FILIP1L: variants seen among roughly 807,000 people sequenced by gnomAD.
The protein encoded by FILIP1L is filamin A interacting protein 1 like.
A neutral mutation model predicts 96.6 loss-of-function variants in FILIP1L; 55 were observed. That is an observed-to-expected ratio of 0.57 (90% confidence interval 0.46 to 0.71). The LOEUF is 0.71. Among genes scored for constraint, FILIP1L ranks in the 30% least tolerant of loss-of-function variants. The probability of loss-of-function intolerance (pLI) is 0.00; values close to 1 mark genes in which losing one functional copy is unlikely to be tolerated. For missense variants in FILIP1L, 1,304 were observed against 1,321.2 expected, an observed-to-expected ratio of 0.99 and a Z score of 0.20; for synonymous variants, 467 against 473.9, an observed-to-expected ratio of 0.99 and a Z score of 0.19.
chr3:100,076,198 C>G (rs1379231103), intron 1 of FILIP1L, among the ~76,000 whole-genome samples: 1 of 152,160 alleles, frequency 6.6e-6, no homozygotes, highest in Non-Finnish European at 1.5e-5. Context: ...AGTTAAGTAC[C>G]TCTTTTTGTC....
intron 4 of FILIP1L, among the ~76,000 whole-genome samples, chr3:99,911,358 A>G (rs1434760418): frequency 6.7e-6 from 1 of 150,008 alleles, no homozygotes; most frequent in Admixed American, 6.7e-5. Flanking sequence ...CAAAATAATA[A>G]GTATTATTAT....
chr3:100,071,810 G>A (rs996102796), intron 1 of FILIP1L, among the ~76,000 whole-genome samples: 83 of 152,170 alleles, frequency 5.5e-4, no homozygotes, highest in African/African-American at 2.0e-3. Context: ...CCCTTTTCCT[G>A]TCAGCTCTCA....
intron 4 of FILIP1L, among the ~76,000 whole-genome samples, chr3:99,915,844 A>T (rs1400170647): frequency 2.6e-5 from 4 of 152,220 alleles, no homozygotes; most frequent in African/African-American, 9.7e-5. Flanking sequence ...TCTCCCCTAT[A>T]CTAAACAATA....
At chr3:99,878,774 T>TA (rs1013792342) in intron 4 of FILIP1L, among the ~76,000 whole-genome samples, 1 of 152,228 alleles carries the variant, frequency 6.6e-6, no homozygotes, top group African/African-American at 2.4e-5. Flanking sequence ...CTTTAACTGA[T>TA]ACAAGAGTAC....
chr3:99,988,522 AAAAAAAAAGAAAGAAAAGG>A (rs1173760072), intron 1 of FILIP1L, among the ~76,000 whole-genome samples: 11 of 141,398 alleles, frequency 7.8e-5, no homozygotes, highest in African/African-American at 2.8e-4. Flanking sequence ...AAAAAAAAAA[AAAAAAAAAGAAAGAAAAGG>A]AAAAAAAAAG....
At chr3:100,051,389 G>A (rs1010374277) in intron 1 of FILIP1L, 2 of 151,370 alleles carry the variant, frequency 1.3e-5, no homozygotes, top group African/African-American at 4.9e-5. Flanking sequence ...AAGTTTTAGG[G>A]TACATGTGCA....
chr3:99,844,933 C>T (rs558091784), intron 5 of FILIP1L, among the ~76,000 whole-genome samples: 17 of 152,238 alleles, frequency 1.1e-4, no homozygotes, highest in Middle Eastern at 3.4e-3. Flanking sequence ...GAGGCCTCCC[C>T]CAGCCATGAG....
Position 99,851,033 on chromosome 3 carries a change from C to A in FILIP1L, c.643G>T (p.Glu215Ter), listed in dbSNP as rs1487091509. The change falls in exon 5 of 6, where the codon GAG (glutamate) becomes TAG (stop). Residue 215 changes from glutamate to a stop codon, truncating the protein, a stop_gained. Transcript: ENST00000477258. LOFTEE classifies it high-confidence loss of function. ...TTCTCCTTTTCTTGCTCCTTCTCCT[C>A]CTGAGACTTGATTTCTTGATCAATT... ...KLIDQEIKSQEEKEQEKEKRV... is the reference protein window; with the variant it reads ...KLIDQEIKSQ The A allele has an allele frequency of 6.2e-7, 1 of 1,601,274 alleles. No homozygotes were observed. The highest frequency in any genetic ancestry group is 1.7e-5 in the Admixed American group (1 of 57,588).
chr3:99,935,265 C>CAAA (rs34961153), intron 1 of FILIP1L, among the ~76,000 whole-genome samples: 10 of 143,916 alleles, frequency 6.9e-5, no homozygotes, highest in East Asian at 4.0e-4. Context: ...TTCAGGGTAC[C>CAAA]AAAAAAAAAA....
intron 4 of FILIP1L, among the ~76,000 whole-genome samples, chr3:99,864,395 G>A (rs1043866752): frequency 1.3e-5 from 2 of 152,110 alleles, no homozygotes; most frequent in Non-Finnish European, 2.9e-5. Flanking sequence ...AACTGTATGA[G>A]CTAAGTATTA....
intron 1 of FILIP1L, among the ~76,000 whole-genome samples, chr3:99,984,252 T>G (rs1709265478): frequency 6.6e-6 from 1 of 152,206 alleles, no homozygotes. Flanking sequence ...TAGCCATTCA[T>G]GTATTTATTA....
intron 4 of FILIP1L, among the ~76,000 whole-genome samples, chr3:99,916,062 T>G (rs1706940929): frequency 6.6e-6 from 1 of 152,208 alleles, no homozygotes; most frequent in Non-Finnish European, 1.5e-5. Flanking sequence ...GATGTCTGAA[T>G]AGCTGGTTAA....
At chr3:99,833,114 G>A in intron 5 of FILIP1L, 1 of 805,294 alleles carries the variant, frequency 1.2e-6, no homozygotes, top group South Asian at 1.6e-5. Flanking sequence ...ATGTCTTGGA[G>A]GAGATTAAGC....
chr3:99,843,356 TGGAA>T (rs967224047), intron 5 of FILIP1L, among the ~76,000 whole-genome samples: 4 of 152,186 alleles, frequency 2.6e-5, no homozygotes, highest in African/African-American at 9.6e-5. Context: ...CCCAATAAAA[TGGAA>T]GTTTTTATTG....
At chr3:100,076,150 G>T (rs117146686) in intron 1 of FILIP1L, among the ~76,000 whole-genome samples, 70 of 152,216 alleles carry the variant, frequency 4.6e-4, no homozygotes, top group African/African-American at 1.6e-3. Flanking sequence ...TATCTTGCCC[G>T]GAAAACCCTT....
intron 1 of FILIP1L, among the ~76,000 whole-genome samples, chr3:99,952,429 T>C (rs1470196883): frequency 6.6e-6 from 1 of 152,212 alleles, no homozygotes; most frequent in Non-Finnish European, 1.5e-5. Context: ...TGGCTGATCC[T>C]ACCCCAGCCC....
At chr3:100,050,093 AC>A (rs371100001) in intron 1 of FILIP1L, among the ~76,000 whole-genome samples, 1 of 152,172 alleles carries the variant, frequency 6.6e-6, no homozygotes, top group African/African-American at 2.4e-5. Flanking sequence ...ACACAGACTC[AC>A]CTGTGGAATG....
chr3:100,094,566 A>G (rs527646548), intron 1 of FILIP1L, among the ~76,000 whole-genome samples: 1 of 151,150 alleles, frequency 6.6e-6, no homozygotes, highest in East Asian at 1.9e-4. Flanking sequence ...ATTTAGCTTC[A>G]TGATCCATTT....
intron 1 of FILIP1L, among the ~76,000 whole-genome samples, chr3:99,977,947 G>A (rs1251353722): frequency 2.0e-5 from 3 of 151,934 alleles, no homozygotes; most frequent in Non-Finnish European, 4.4e-5. Context: ...ATAGAAACAG[G>A]CCAAAATTTC....
Sources: allele counts gnomAD v4.1 joint callset (sites outside exome capture counted in the v4.1 genomes callset), GRCh38; gene constraint gnomAD v4.1.1; transcripts MANE v1.5; gene names NCBI Gene and HGNC (gene_info 2026-07-23, HGNC 2026-07-21).